The following WSCD2 variants were observed in gnomAD, a reference collection of about 807,000 sequenced individuals.
The protein encoded by WSCD2 is sialate:O-sulfotransferase 2.
Under a neutral mutation model 55.7 loss-of-function variants are expected in WSCD2, and 28 were observed. The ratio of observed to expected loss-of-function variants is 0.50; its 90% CI spans 0.37 to 0.69. WSCD2 has a LOEUF of 0.69. Ranked by LOEUF, WSCD2 falls within the 30% of genes least tolerant of loss-of-function variation. The probability of loss-of-function intolerance (pLI) is 0.00; values close to 1 mark genes in which losing one functional copy is unlikely to be tolerated. For missense variants in WSCD2, 616 were observed against 762.1 expected, an observed-to-expected ratio of 0.81 and a Z score of 2.26; for synonymous variants, 301 against 301.9, an observed-to-expected ratio of 1.00 and a Z score of 0.03.
chr12:108,189,852 C>A (rs1882942526), intron 1 of WSCD2: 1 of 152,088 alleles, frequency 6.6e-6, no homozygotes, highest in South Asian at 2.1e-4. Context: ...CAAGAGGAAT[C>A]CATTCTATCC....
intron 7 of WSCD2, among the ~76,000 whole-genome samples, chr12:108,239,766 C>G (rs4964666): frequency 0.87 from 132,545 of 152,274 alleles, 57,901 homozygotes; most frequent in African/African-American, 0.92. Context: ...CCAGGCTGGA[C>G]TGCAGTGGCA....
At chr12:108,190,853 G>A (rs1046605639) in intron 1 of WSCD2, among the ~76,000 whole-genome samples, 1 of 152,144 alleles carries the variant, frequency 6.6e-6, no homozygotes, top group African/African-American at 2.4e-5. Context: ...GAGGCTTAGA[G>A]AGGTGTCACA....
intron 8 of WSCD2, among the ~76,000 whole-genome samples, chr12:108,246,563 C>T (rs1200955294): frequency 6.6e-6 from 1 of 152,178 alleles, no homozygotes; most frequent in Non-Finnish European, 1.5e-5. Flanking sequence ...GCGGGAGTTT[C>T]AGCAGCTCCA....
chr12:108,166,765 C>T (rs201837313), intron 1 of WSCD2, among the ~76,000 whole-genome samples: 1 of 120,242 alleles, frequency 8.3e-6, no homozygotes, highest in African/African-American at 3.1e-5. Flanking sequence ...TCTTTCTTTT[C>T]TTTCTTTCTT....
At position 108,224,878 on chromosome 12, in the gene WSCD2, C is replaced by T; in HGVS notation, c.804+18C>T. 1.9e-6 allele frequency: 3 copies of T among 1,609,762 alleles called. No homozygotes were observed. Among genetic ancestry groups the T allele is most frequent in the Non-Finnish European group, 2.5e-6 (3 of 1,179,108 alleles). ...CTGAGAAGGTGAGCACAAGGTGGGGCCCATGGAACTCAGGGGGAGGGAACC... is the reference window on the plus strand; with the variant it reads ...CTGAGAAGGTGAGCACAAGGTGGGGTCCATGGAACTCAGGGGGAGGGAACC... On this transcript the variant is annotated intron_variant, in intron 5 of 8. Coordinates refer to ENST00000547525, the MANE Select transcript of WSCD2 (RefSeq NM_014653.4).
intron 4 of WSCD2, among the ~76,000 whole-genome samples, chr12:108,217,725 A>T (rs927148334): frequency 6.6e-6 from 1 of 152,098 alleles, no homozygotes; most frequent in East Asian, 1.9e-4. Flanking sequence ...GACTTCCCAA[A>T]CTTATCCCCC....
intron 1 of WSCD2, among the ~76,000 whole-genome samples, chr12:108,161,067 ATGT>A (rs1199274405): frequency 6.6e-6 from 1 of 152,236 alleles, no homozygotes; most frequent in Non-Finnish European, 1.5e-5. Flanking sequence ...GTGCAACCTG[ATGT>A]TTAAATCTTG....
At chr12:108,148,202 C>T (rs1877602501) in intron 1 of WSCD2, among the ~76,000 whole-genome samples, 1 of 152,202 alleles carries the variant, frequency 6.6e-6, no homozygotes, top group Admixed American at 6.5e-5. Context: ...CCAGTAGATG[C>T]CAGTAGCATG....
At chr12:108,133,767 T>A (rs565473831) in intron 1 of WSCD2, among the ~76,000 whole-genome samples, 3 of 152,054 alleles carry the variant, frequency 2.0e-5, no homozygotes, top group Admixed American at 6.5e-5. Context: ...CCTCACCTTC[T>A]GTAACAGCCC....
At chr12:108,225,206 G>A (rs563862569) in intron 5 of WSCD2, among the ~76,000 whole-genome samples, 4 of 152,330 alleles carry the variant, frequency 2.6e-5, no homozygotes, top group African/African-American at 7.2e-5. Flanking sequence ...AGTTTCACAT[G>A]GCTGAGGAGG....
chr12:108,245,063 T>A (rs1889989985), intron 8 of WSCD2, among the ~76,000 whole-genome samples: 1 of 152,188 alleles, frequency 6.6e-6, no homozygotes. Flanking sequence ...TGTGTTTTTA[T>A]GTAACAATTT....
intron 4 of WSCD2, among the ~76,000 whole-genome samples, chr12:108,216,179 C>A (rs1053331762): frequency 3.9e-5 from 6 of 152,162 alleles, no homozygotes; most frequent in South Asian, 2.1e-4. Flanking sequence ...GGTCAAATCC[C>A]AGCTCTGCTC....
intron 6 of WSCD2, among the ~76,000 whole-genome samples, chr12:108,232,013 T>C (rs1371719269): frequency 6.6e-6 from 1 of 151,788 alleles, no homozygotes; most frequent in Non-Finnish European, 1.5e-5. Context: ...TAGGAGGCAA[T>C]GGAGAGGGAA....
At chr12:108,183,242 C>T (rs1421849746) in intron 1 of WSCD2, among the ~76,000 whole-genome samples, 1 of 152,152 alleles carries the variant, frequency 6.6e-6, no homozygotes, top group Non-Finnish European at 1.5e-5. Context: ...ATGAGAAGAT[C>T]CAGTTTCTAG....
rs902011314 is a variant in WSCD2 at position 108,196,148 on chromosome 12, G to A, written c.316G>A (p.Asp106Asn). 5.0e-6 allele frequency: 8 copies of A among 1,614,064 alleles called. No homozygotes were observed. In the African/African-American group the frequency reaches 6.7e-5, roughly 13 times the overall value. ...TGGGAATGAGAGAGCCAAGCTTGGCGACTACGGTGGAGCCTGGAGCCGAGC... is the reference window on the plus strand; with the variant it reads ...TGGGAATGAGAGAGCCAAGCTTGGCAACTACGGTGGAGCCTGGAGCCGAGC... ...KDGNERAKLGDYGGAWSRALK... is the reference protein window; with the variant it reads ...KDGNERAKLGNYGGAWSRALK... The change falls in exon 2 of 9, where the codon GAC becomes AAC. Residue 106 changes from aspartate (D) to asparagine (N), a missense_variant. Around this residue, in one of 3 missense-constraint regions of WSCD2, gnomAD observed 374 missense variants for 467.4 expected, o/e 0.80. Transcript: ENST00000547525.
At chr12:108,216,038 G>A (rs1327121299) in intron 4 of WSCD2, among the ~76,000 whole-genome samples, 2 of 152,178 alleles carry the variant, frequency 1.3e-5, no homozygotes. Flanking sequence ...CCCACTGTGG[G>A]GCCGAGAGGA....
intron 1 of WSCD2, among the ~76,000 whole-genome samples, chr12:108,177,205 T>A (rs918139736): frequency 5.3e-5 from 8 of 152,126 alleles, no homozygotes; most frequent in Non-Finnish European, 1.0e-4. Flanking sequence ...AAATTTAGTA[T>A]GTATATATGT....
rs1296441228 is a variant in WSCD2 at position 108,250,482 on chromosome 12, T to C, written c.*2139T>C. On this transcript the variant is annotated 3_prime_UTR_variant, in exon 9 of 9. Coordinates refer to ENST00000547525, the MANE Select transcript of WSCD2 (RefSeq NM_014653.4). ...CTTATTTGTAATGAGTCTGTGCAGG[T>C]CCTTGTGTATGGAATTGCACCCGTG... 6.6e-6 allele frequency: 1 copy of C among 152,186 alleles called. No individual in the cohort carries two copies. The highest frequency in any genetic ancestry group is 2.4e-5 in the African/African-American group (1 of 41,406). 9.4% of individuals were successfully genotyped at this position (152,186 alleles called of 1,614,324 possible).
Position 108,130,475 on chromosome 12 carries a change from GGTGTGTGTGTGTGT to G in WSCD2, c.-552+582_-552+595del, listed in dbSNP as rs559546028. Among the ~76,000 whole-genome samples, 51 of 134,506 alleles carry G rather than the reference GGTGTGTGTGTGTGT, an allele frequency of 3.8e-4. 1 individual carries two copies. The highest frequency in any genetic ancestry group is 7.6e-4 in the South Asian group (3 of 3,960). 88.2% of individuals were successfully genotyped at this position (134,506 alleles called of 152,430 possible). A position where few individuals can be genotyped will look rare whatever the true frequency, so the allele number is the denominator to read the frequency against. Reference sequence around the variant, plus strand: ...GCAGATTTGCTTATGTCCATTCTGGGGTGTGTGTGTGTGTGTGTGTGTGTGTGTGTGTGTGTGTG... The same window carrying G: ...GCAGATTTGCTTATGTCCATTCTGGGGTGTGTGTGTGTGTGTGTGTGTGTG... On this transcript the variant is annotated intron_variant, in intron 1 of 8. Transcript: ENST00000547525.
Sources: gnomAD v4.1 joint callset for allele counts (sites outside exome capture counted in the v4.1 genomes callset) on GRCh38, gnomAD v4.1.1 for gene constraint, gnomAD v4.1.1 regional missense constraint, MANE v1.5 for transcripts, NCBI Gene and HGNC (gene_info 2026-07-23, HGNC 2026-07-21) for gene names.